Variants in DLGAP1 observed in about 807,000 individuals in gnomAD.
DLGAP1 encodes the protein disks large-associated protein 1.
Under a neutral mutation model 90.8 loss-of-function variants are expected in DLGAP1, and 11 were observed. That is an observed-to-expected ratio of 0.12 (90% CI 0.08 to 0.20). The LOEUF (loss-of-function observed/expected upper bound fraction) is 0.20, where lower values mean the gene tolerates loss of function less well. Among genes scored for constraint, DLGAP1 ranks in the 10% least tolerant of loss-of-function variants. DLGAP1 has a pLI of 1.00. For missense variants in DLGAP1, 1,050 were observed against 1,333.8 expected, an observed-to-expected ratio of 0.79 and a Z score of 3.31; for synonymous variants, 558 against 540.7, an observed-to-expected ratio of 1.03 and a Z score of -0.44.
chr18:4,289,526 C>T (rs1216719962), intron 1 of DLGAP1, among the ~76,000 whole-genome samples: 1 of 151,948 alleles, frequency 6.6e-6, no homozygotes, highest in African/African-American at 2.4e-5. Context: ...ATGTGAATAC[C>T]CAAAGTAGCC....
chr18:4,012,027 T>G (rs779551202), intron 2 of DLGAP1, among the ~76,000 whole-genome samples: 47 of 152,024 alleles, frequency 3.1e-4, no homozygotes, highest in Non-Finnish European at 5.9e-4. Flanking sequence ...GACTCTACAA[T>G]GTCCTTGGGC....
At chr18:3,850,046 C>T (rs1378759918) in intron 4 of DLGAP1, among the ~76,000 whole-genome samples, 2 of 152,162 alleles carry the variant, frequency 1.3e-5, no homozygotes, top group African/African-American at 4.8e-5. Flanking sequence ...TAGTCAAACA[C>T]ATACATTCTG....
chr18:4,023,085 G>A (rs887601542), intron 2 of DLGAP1, among the ~76,000 whole-genome samples: 5 of 152,046 alleles, frequency 3.3e-5, no homozygotes, highest in African/African-American at 1.2e-4. Flanking sequence ...TTGATGTTAT[G>A]CAACTTTTTA....
intron 2 of DLGAP1, among the ~76,000 whole-genome samples, chr18:4,113,296 A>G (rs753845372): frequency 2.0e-5 from 3 of 152,038 alleles, no homozygotes; most frequent in Non-Finnish European, 2.9e-5. Context: ...TTTAGTAATA[A>G]TCATTCTGAA....
intron 1 of DLGAP1, among the ~76,000 whole-genome samples, chr18:4,413,833 C>T (rs2082834420): frequency 6.6e-6 from 1 of 152,168 alleles, no homozygotes. Context: ...ATTCATCAAG[C>T]TGGGCCATCA....
chr18:4,201,852 G>A (rs1179695591), intron 1 of DLGAP1, among the ~76,000 whole-genome samples: 1 of 152,024 alleles, frequency 6.6e-6, no homozygotes, highest in African/African-American at 2.4e-5. Context: ...GCAATGAAAA[G>A]CGAACAGTTA....
At chr18:3,520,022 G>A (rs1417453421) in intron 10 of DLGAP1, among the ~76,000 whole-genome samples, 2 of 152,032 alleles carry the variant, frequency 1.3e-5, no homozygotes, top group African/African-American at 2.4e-5. Flanking sequence ...TTCAGCACAT[G>A]TATCCCAGAA....
At chr18:4,262,172 T>C (rs2079016846) in intron 1 of DLGAP1, among the ~76,000 whole-genome samples, 1 of 152,214 alleles carries the variant, frequency 6.6e-6, no homozygotes, top group Non-Finnish European at 1.5e-5. Context: ...TACATGTAAT[T>C]AAAACCAAAG....
intron 1 of DLGAP1, among the ~76,000 whole-genome samples, chr18:4,187,301 G>A (rs944869962): frequency 2.0e-5 from 3 of 152,128 alleles, no homozygotes; most frequent in African/African-American, 7.2e-5. Context: ...TAGGAGTGGT[G>A]AGACAGAGCA....
intron 3 of DLGAP1, among the ~76,000 whole-genome samples, chr18:3,940,847 T>C (rs1329975974): frequency 2.0e-5 from 3 of 152,218 alleles, no homozygotes; most frequent in African/African-American, 7.2e-5. Context: ...GAGAGATCTA[T>C]AATAGTACCC....
intron 2 of DLGAP1, among the ~76,000 whole-genome samples, chr18:4,046,087 G>A (rs11875533): frequency 0.049 from 7,408 of 152,198 alleles, 294 homozygotes; most frequent in African/African-American, 0.11. Flanking sequence ...CAGTCTGTAT[G>A]TCCCCATCTG....
At chr18:3,515,030 A>T (rs2050748109) in intron 10 of DLGAP1, among the ~76,000 whole-genome samples, 1 of 152,226 alleles carries the variant, frequency 6.6e-6, no homozygotes, top group South Asian at 2.1e-4. Context: ...GGCATGAGTC[A>T]CTGCCCCGGC....
chr18:3,554,004 T>C (rs7237988), intron 9 of DLGAP1, among the ~76,000 whole-genome samples: 5,298 of 152,266 alleles, frequency 0.035, 102 homozygotes, highest in Middle Eastern at 0.078. Flanking sequence ...AATGGGCTAA[T>C]GTAAGAAAGT....
intron 1 of DLGAP1, among the ~76,000 whole-genome samples, chr18:4,329,182 G>A (rs2080892717): frequency 6.6e-6 from 1 of 151,830 alleles, no homozygotes; most frequent in African/African-American, 2.4e-5. Flanking sequence ...AGTTTGAATT[G>A]TTTTGTATGA....
In DLGAP1 at chr18:4,347,414, T is replaced by C. The variant is rs184775430; in HGVS notation, c.-267+107592A>G. ...TCAAAAGAAAATAAATCTATAGACC[T>C]ATATTGTCCATGAATATCAATGCAA... On this transcript the variant is annotated intron_variant, in intron 1 of 12. Transcript: ENST00000315677. Among the ~76,000 whole-genome samples, 1,004 of 152,178 alleles carry C rather than the reference T, an allele frequency of 6.6e-3. 9 individuals are homozygous for C. The highest frequency in any genetic ancestry group is 0.013 in the Admixed American group (199 of 15,288).
In DLGAP1 at chr18:3,742,355, C is replaced by T; in HGVS notation, c.1330G>A (p.Ala444Thr). 3 of 1,613,940 alleles carry T rather than the reference C, an allele frequency of 1.9e-6. No homozygotes were observed. Among genetic ancestry groups the T allele is most frequent in the Non-Finnish European group, 2.5e-6 (3 of 1,179,884 alleles). ...FRSRNESYMR[A>T]MSTISQVSEM... ...CTCACCTGGCTGATGGTGCTCATGGCTCGCATGTAGCTCTCATTCCTGGAG... is the reference window on the plus strand; with the variant it reads ...CTCACCTGGCTGATGGTGCTCATGGTTCGCATGTAGCTCTCATTCCTGGAG... The change falls in exon 6 of 13, where the codon GCC becomes ACC. Residue 444 changes from alanine to threonine, a missense_variant. Ala to Thr is a moderately conservative substitution (Grantham distance 58). Around this residue, in one of 2 missense-constraint regions of DLGAP1, gnomAD observed 565 missense variants for 879.7 expected, o/e 0.64. Transcript: ENST00000315677.
intron 2 of DLGAP1, among the ~76,000 whole-genome samples, chr18:4,133,051 A>T (rs2076342873): frequency 6.6e-6 from 1 of 152,156 alleles, no homozygotes. Context: ...TTTCAGCAAG[A>T]TTTTGTGAGA....
intron 2 of DLGAP1, among the ~76,000 whole-genome samples, chr18:4,028,308 A>G (rs2074736228): frequency 6.6e-6 from 1 of 152,130 alleles, no homozygotes; most frequent in Non-Finnish European, 1.5e-5. Flanking sequence ...AAAAAAATAC[A>G]AAAACACATA....
chr18:3,977,434 G>GTTTTTTTTTTTTT lies in DLGAP1; in HGVS notation c.-73+27669_-73+27681dup, dbSNP rs58599574. ...AGTTAATGAATTATGTTTATTCTGT[G>GTTTTTTTTTTTTT]TTTTTTTTTTTTTTTTTTTTGCTGA... On this transcript the variant is annotated intron_variant, in intron 3 of 12. Transcript: ENST00000315677. Among the ~76,000 whole-genome samples, 49 of 95,326 alleles carry GTTTTTTTTTTTTT rather than the reference G, an allele frequency of 5.1e-4. 2 individuals carry two copies. Among genetic ancestry groups the GTTTTTTTTTTTTT allele is most frequent in the African/African-American group, 1.8e-3 (42 of 23,964 alleles). 62.5% of individuals were successfully genotyped at this position (95,326 alleles called of 152,430 possible). A position where few individuals can be genotyped will look rare whatever the true frequency, so the allele number is the denominator to read the frequency against.
Sources: allele counts gnomAD v4.1 joint callset (sites outside exome capture counted in the v4.1 genomes callset), GRCh38; gene constraint gnomAD v4.1.1; regional missense constraint gnomAD v4.1.1; transcripts MANE v1.5; gene names NCBI Gene and HGNC (gene_info 2026-07-23, HGNC 2026-07-21).